Variants in CSMD1 observed in about 807,000 individuals in gnomAD.
CSMD1 encodes the protein CUB and sushi domain-containing protein 1.
CSMD1 carries 213 observed loss-of-function variants against 417.5 expected under a neutral mutation model. The ratio of observed to expected loss-of-function variants is 0.51; its 90% CI spans 0.46 to 0.57. CSMD1 has a LOEUF of 0.57. Ranked by LOEUF, CSMD1 falls within the 20% of genes least tolerant of loss-of-function variation. The pLI, the probability that CSMD1 is intolerant of heterozygous loss-of-function variation, is 0.00. For synonymous variants in CSMD1, 2,862 were observed against 1,736.8 expected, an observed-to-expected ratio of 1.65 and a Z score of -16.11; for missense variants, 6,923 against 4,529.7, an observed-to-expected ratio of 1.53 and a Z score of -15.17.
intron 10 of CSMD1, among the ~76,000 whole-genome samples, chr8:3,565,993 C>T (rs1485087872): frequency 2.6e-5 from 4 of 152,164 alleles, no homozygotes; most frequent in Non-Finnish European, 5.9e-5. Context: ...CAATATAATA[C>T]ATTGACACCC....
intron 3 of CSMD1, among the ~76,000 whole-genome samples, chr8:4,175,517 T>C (rs965946968): frequency 6.6e-6 from 1 of 151,518 alleles, no homozygotes; most frequent in African/African-American, 2.4e-5. Context: ...AGACAACTGA[T>C]AGAAGCCCAA....
intron 1 of CSMD1, among the ~76,000 whole-genome samples, chr8:4,912,414 A>C (rs78336679): frequency 6.6e-6 from 1 of 151,388 alleles, no homozygotes; most frequent in Non-Finnish European, 1.5e-5. Context: ...TGTCTAGATC[A>C]ATGCCATTGC....
At chr8:4,392,395 C>G (rs181937093) in intron 3 of CSMD1, among the ~76,000 whole-genome samples, 2 of 151,988 alleles carry the variant, frequency 1.3e-5, no homozygotes, top group South Asian at 2.1e-4. Flanking sequence ...ATCAGAGACA[C>G]AAAATTATTC....
chr8:4,923,785 G>A (rs143888607), intron 1 of CSMD1, among the ~76,000 whole-genome samples: 72 of 152,206 alleles, frequency 4.7e-4, no homozygotes, highest in Admixed American at 1.8e-3. Flanking sequence ...AAGATTCAGT[G>A]TCCCAATGGT....
rs189993457 is a variant in CSMD1, at chr8:3,220,461, A to G, written c.4485-1019T>C. ...TGAGCTTTAAAACTACGCACACTCT[A>G]AGAGAAAGGCTGAGCTTGGTTAAGA... On this transcript the variant is annotated intron_variant, in intron 28 of 69. Coordinates refer to ENST00000635120, the MANE Select transcript of CSMD1 (RefSeq NM_033225.6). 1.9e-3 allele frequency among the ~76,000 whole-genome samples: 289 copies of G among 152,320 alleles called. 2 individuals are homozygous for G. Among genetic ancestry groups the G allele is most frequent in the African/African-American group, 6.7e-3 (280 of 41,578 alleles).
At chr8:3,852,407 C>T (rs1327598629) in intron 5 of CSMD1, among the ~76,000 whole-genome samples, 1 of 152,114 alleles carries the variant, frequency 6.6e-6, no homozygotes, top group Non-Finnish European at 1.5e-5. Context: ...GTACAGTGAA[C>T]CACACTCCCC....
At chr8:4,343,920 C>T (rs140993620) in intron 3 of CSMD1, among the ~76,000 whole-genome samples, 2 of 152,044 alleles carry the variant, frequency 1.3e-5, no homozygotes, top group African/African-American at 4.8e-5. Context: ...TTAAATACTG[C>T]CAAGAGAAGT....
At chr8:3,572,003 A>G (rs1799964742) in intron 10 of CSMD1, among the ~76,000 whole-genome samples, 1 of 152,138 alleles carries the variant, frequency 6.6e-6, no homozygotes. Flanking sequence ...TAGCCCATTC[A>G]TTTGACTTCA....
At chr8:3,527,805 C>CA (rs1563123990) in intron 10 of CSMD1, among the ~76,000 whole-genome samples, 1 of 152,160 alleles carries the variant, frequency 6.6e-6, no homozygotes, top group African/African-American at 2.4e-5. Context: ...AATAAAGTTA[C>CA]AAAACATCCT....
intron 51 of CSMD1, among the ~76,000 whole-genome samples, chr8:3,021,342 T>C (rs1202499531): frequency 2.0e-5 from 3 of 152,238 alleles, no homozygotes; most frequent in African/African-American, 7.2e-5. Flanking sequence ...TTTCCTTGTA[T>C]GGTAGTAAAC....
At chr8:3,791,550 A>C (rs1306563787) in intron 5 of CSMD1, among the ~76,000 whole-genome samples, 1 of 152,216 alleles carries the variant, frequency 6.6e-6, no homozygotes, top group Admixed American at 6.5e-5. Flanking sequence ...CAGGCCGGGC[A>C]TGGTGGCTCA....
intron 3 of CSMD1, among the ~76,000 whole-genome samples, chr8:4,168,745 T>C (rs1038032073): frequency 6.6e-6 from 1 of 152,184 alleles, no homozygotes. Flanking sequence ...TCATTGGCTA[T>C]TCAAGTTAGG....
intron 3 of CSMD1, among the ~76,000 whole-genome samples, chr8:4,181,809 G>C (rs954922408): frequency 2.6e-5 from 4 of 152,122 alleles, no homozygotes; most frequent in Non-Finnish European, 4.4e-5. Flanking sequence ...TGACTATGCA[G>C]CAAATGCAAA....
chr8:2,985,970 G>C (rs28496162), intron 54 of CSMD1, among the ~76,000 whole-genome samples: 3,429 of 142,576 alleles, frequency 0.024, 167 homozygotes, highest in African/African-American at 0.091. Flanking sequence ...AAGGGGAAGG[G>C]GAAGGGAAAG....
chr8:4,920,364 A>G (rs1253977346), intron 1 of CSMD1, among the ~76,000 whole-genome samples: 1 of 152,244 alleles, frequency 6.6e-6, no homozygotes, highest in East Asian at 1.9e-4. Context: ...GTATTTAGAG[A>G]GAAAATGCAT....
intron 68 of CSMD1, among the ~76,000 whole-genome samples, chr8:2,945,911 T>C (rs1563169694): frequency 6.6e-6 from 1 of 152,198 alleles, no homozygotes; most frequent in African/African-American, 2.4e-5. Flanking sequence ...GGTCATTCAA[T>C]TTTCTAAAGA....
chr8:4,074,172 T>C (rs1018461767), intron 3 of CSMD1, among the ~76,000 whole-genome samples: 2 of 152,102 alleles, frequency 1.3e-5, no homozygotes, highest in Non-Finnish European at 2.9e-5. Context: ...ATAACTTGTA[T>C]GGTCCAAATT....
rs78313083 is a variant in CSMD1, at chr8:4,150,492, G to C, written c.416-118393C>G. Among the ~76,000 whole-genome samples, 1,338 of 152,224 alleles carry C rather than the reference G, an allele frequency of 8.8e-3. 22 individuals are homozygous for C. Among genetic ancestry groups the C allele is most frequent in the African/African-American group, 0.031 (1,280 of 41,486 alleles). On this transcript the variant is annotated intron_variant, in intron 3 of 69. Coordinates refer to ENST00000635120, the MANE Select transcript of CSMD1 (RefSeq NM_033225.6). The stretch of plus-strand genomic sequence containing the variant: ...TCAGCTAACAGAATTTTTCACAACA[G>C]AGATATCTTCTAGAAGGCAGAATTT...
At chr8:3,013,582 C>T (rs1037050075) in intron 52 of CSMD1, among the ~76,000 whole-genome samples, 1 of 152,050 alleles carries the variant, frequency 6.6e-6, no homozygotes, top group Non-Finnish European at 1.5e-5. Flanking sequence ...AAAACCCCGT[C>T]TCCACTAAAA....
Sources: gnomAD v4.1 joint callset for allele counts (sites outside exome capture counted in the v4.1 genomes callset) on GRCh38, gnomAD v4.1.1 for gene constraint, MANE v1.5 for transcripts, NCBI Gene and HGNC (gene_info 2026-07-23, HGNC 2026-07-21) for gene names.